The following GRM4 variants were observed in gnomAD, a reference collection of about 807,000 sequenced individuals.
GRM4 encodes the protein glutamate metabotropic receptor 4.
In GRM4, 28 loss-of-function variants were observed where a neutral mutation model predicts 81.7. The ratio of observed to expected loss-of-function variants is 0.34; its 90% confidence interval spans 0.25 to 0.47. The LOEUF is 0.47. Among genes scored for constraint, GRM4 ranks in the 20% least tolerant of loss-of-function variants. GRM4 has a pLI of 1.00. For synonymous variants in GRM4, 488 were observed against 528.8 expected (o/e 0.92, Z 1.06); for missense variants, 948 against 1,290.0 (o/e 0.73, Z 4.06).
chr6:34,028,506 A>G lies in GRM4; in HGVS notation c.2443-140T>C, dbSNP rs56959556. Reference sequence around the variant, plus strand: ...AGTCGTGGCTTGGAGCTGGGACTGCAGACCAGGGTTTCTGCATTCAAATCT... The same window carrying G: ...AGTCGTGGCTTGGAGCTGGGACTGCGGACCAGGGTTTCTGCATTCAAATCT... On this transcript the variant is annotated intron_variant, in intron 9 of 10. Coordinates refer to ENST00000538487, the MANE Select transcript of GRM4 (RefSeq NM_000841.4). 7,105 of 834,906 alleles carry G rather than the reference A, an allele frequency of 8.5e-3. 293 individuals carry two copies. In the African/African-American group the frequency reaches 0.099, roughly 12 times the overall value. 51.7% of individuals were successfully genotyped at this position (834,906 alleles called of 1,614,324 possible). A position where few individuals can be genotyped will look rare whatever the true frequency, so the allele number is the denominator to read the frequency against.
chr6:34,066,983 C>T (rs867524361), intron 3 of GRM4, among the ~76,000 whole-genome samples: 1 of 152,134 alleles, frequency 6.6e-6, no homozygotes, highest in Non-Finnish European at 1.5e-5. Flanking sequence ...TGCCTGCCTT[C>T]CTCCACCTTC....
At position 34,152,828 on chromosome 6, in the gene GRM4, G is replaced by C. The variant is rs1259005130; in HGVS notation, c.312+2251C>G. ...TGAGGCCCCCACAATGGAAGACAAG[G>C]GGGACAGGCAGGAGCAAGGTGGGAG... On this transcript the variant is annotated intron_variant, in intron 1 of 8. Coordinates refer to the GRM4 transcript ENST00000374177. This position sits in a 1 kb window ranked among gnomAD's most constrained non-coding sequence, Gnocchi z 4.1. Among the ~76,000 whole-genome samples, 2 of 152,186 alleles carry C rather than the reference G, an allele frequency of 1.3e-5. No homozygotes were observed. Among genetic ancestry groups the C allele is most frequent in the African/African-American group, 4.8e-5 (2 of 41,428 alleles).
At position 34,080,634 on chromosome 6, in the gene GRM4, G is replaced by A. The variant is rs1767535536; in HGVS notation, c.736+11249C>T. ...CTGGGGCAAGTCTGTGGGATTGGGA[G>A]GCCCGGGTCCCACCTTCTGAGTCCC... On this transcript the variant is annotated intron_variant, in intron 3 of 10. Coordinates refer to ENST00000538487, the MANE Select transcript of GRM4 (RefSeq NM_000841.4). The surrounding 1 kb of genome is among the most constrained non-coding windows in gnomAD (Gnocchi z 5.4). 6.6e-6 allele frequency among the ~76,000 whole-genome samples: 1 copy of A among 152,158 alleles called. No homozygotes were observed. The highest frequency in any genetic ancestry group is 6.5e-5 in the Admixed American group (1 of 15,278).
intron 1 of GRM4, among the ~76,000 whole-genome samples, chr6:34,135,604 C>T (rs1770425821): frequency 1.3e-5 from 2 of 152,236 alleles, no homozygotes; most frequent in Admixed American, 6.5e-5. Flanking sequence ...AAGGCCAGTG[C>T]TTTGAGGAAG....
At chr6:34,029,100 G>A (rs977940427) in intron 9 of GRM4, among the ~76,000 whole-genome samples, 2 of 152,154 alleles carry the variant, frequency 1.3e-5, no homozygotes, top group Non-Finnish European at 2.9e-5. Context: ...CACTGTCCCC[G>A]TCTGGGATTC....
chr6:34,150,960 T>C (rs1436617734), upstream of GRM4, among the ~76,000 whole-genome samples: 4 of 152,148 alleles, frequency 2.6e-5, no homozygotes, highest in African/African-American at 9.7e-5. Context: ...AAAGCACAGG[T>C]CCTGGTGGTA....
At chr6:34,033,900 G>C (rs1003751393) in intron 9 of GRM4, among the ~76,000 whole-genome samples, 1 of 152,090 alleles carries the variant, frequency 6.6e-6, no homozygotes, top group African/African-American at 2.4e-5. Flanking sequence ...ACCATGCCTG[G>C]CTACGTTTTT....
At chr6:34,155,604 C>A (rs1771136323) in exon 1 of GRM4, 1 of 463,628 alleles carries the variant, frequency 2.2e-6, no homozygotes, top group Non-Finnish European at 3.8e-6. Context: ...AAGCGATCCT[C>A]CAGCAAAGCG....
At chr6:34,138,880 G>C (rs1337157731) in intron 1 of GRM4, among the ~76,000 whole-genome samples, 1 of 152,198 alleles carries the variant, frequency 6.6e-6, no homozygotes, top group Non-Finnish European at 1.5e-5. Context: ...CTGTGTTTAA[G>C]GCCCCTTCCA....
At chr6:34,076,870 T>C (rs1767339611) in intron 3 of GRM4, among the ~76,000 whole-genome samples, 1 of 151,386 alleles carries the variant, frequency 6.6e-6, no homozygotes, top group South Asian at 2.1e-4. Context: ...CTTGCTTGGC[T>C]AGATGGGGGA....
intron 2 of GRM4, among the ~76,000 whole-genome samples, chr6:34,094,169 T>C (rs1449796081): frequency 6.6e-6 from 1 of 152,182 alleles, no homozygotes; most frequent in Non-Finnish European, 1.5e-5. Context: ...TGGAAGCTGT[T>C]TACTGTGTGA....
intron 6 of GRM4, among the ~76,000 whole-genome samples, chr6:34,051,245 CT>C (rs1419365570): frequency 1.4e-4 from 21 of 152,370 alleles, no homozygotes; most frequent in Admixed American, 6.5e-4. Context: ...GGGCAAGTCC[CT>C]AACCTCTCTG....
intron 2 of GRM4, among the ~76,000 whole-genome samples, chr6:34,099,421 G>A (rs974689): frequency 0.84 from 128,244 of 152,018 alleles, 54,177 homozygotes; most frequent in South Asian, 0.87. Flanking sequence ...CAGGGGCTTC[G>A]GGGTGGAGGG....
In GRM4 at chr6:34,068,623, G is replaced by A. The variant is rs1271237754; in HGVS notation, c.737-6595C>T. Among the ~76,000 whole-genome samples the A allele has an allele frequency of 1.3e-5, 2 of 151,870 alleles. No homozygotes were observed. Among genetic ancestry groups the A allele is most frequent in the African/African-American group, 4.8e-5 (2 of 41,294 alleles). The stretch of plus-strand genomic sequence containing the variant: ...CCTGCCTTCAAAGACCCATCCCCCC[G>A]CACCACCACTTGTGGGATGTGCCTA... On this transcript the variant is annotated intron_variant, in intron 3 of 10. Transcript: ENST00000538487. This position sits in a 1 kb window ranked among gnomAD's most constrained non-coding sequence, Gnocchi z 4.2.
intron 3 of GRM4, chr6:34,091,518 G>C (rs1430514700): frequency 1.7e-5 from 4 of 234,600 alleles, no homozygotes; most frequent in Admixed American, 5.3e-5. Flanking sequence ...CTGCCTGGCT[G>C]TCCGCCCATC....
intron 3 of GRM4, among the ~76,000 whole-genome samples, chr6:34,072,477 C>T (rs1243715249): frequency 1.8e-5 from 1 of 55,708 alleles, no homozygotes; most frequent in African/African-American, 7.1e-5. Context: ...TACAGATACA[C>T]ACCCACACAC....
At chr6:34,119,777 C>T (rs866444395) in intron 2 of GRM4, among the ~76,000 whole-genome samples, 8 of 152,308 alleles carry the variant, frequency 5.3e-5, no homozygotes, top group Middle Eastern at 3.4e-3. Context: ...TATGCACTGA[C>T]GAAGCATGTC....
rs2127462339 is a variant in GRM4 at position 34,061,999 on chromosome 6, T to C, written c.766A>G (p.Ile256Val). Residue 256 changes from isoleucine to valine, a missense_variant, in exon 4 of 11, where the codon ATA (isoleucine) becomes GTA (valine). Coordinates refer to ENST00000538487, the MANE Select transcript of GRM4 (RefSeq NM_000841.4). Reference protein sequence around the residue: ...GGVCIAQSVKIPREPKAGEFD... With the variant: ...GGVCIAQSVKVPREPKAGEFD... ...TCGCCTGCCTTGGGCTCCCGTGGTATCTTCACCGACTGGGCGATGCACACG... is the reference window on the plus strand; with the variant it reads ...TCGCCTGCCTTGGGCTCCCGTGGTACCTTCACCGACTGGGCGATGCACACG... 3 of 1,613,708 alleles carry C rather than the reference T, an allele frequency of 1.9e-6. No individual in the cohort carries two copies. In the South Asian group the frequency reaches 3.3e-5, roughly 18 times the overall value.
rs192385109 is a variant in GRM4 at position 34,057,832 on chromosome 6, C to T, written c.1027+1142G>A. Among the ~76,000 whole-genome samples, 440 of 152,304 alleles carry T rather than the reference C, an allele frequency of 2.9e-3. 1 individual carries two copies. Among genetic ancestry groups the T allele is most frequent in the African/African-American group, 9.9e-3 (412 of 41,550 alleles). On this transcript the variant is annotated intron_variant, in intron 5 of 10. Coordinates refer to ENST00000538487, the MANE Select transcript of GRM4 (RefSeq NM_000841.4). ...ACTAAATGCGGGGAAGAGTGCATCA[C>T]AGGGATGCTGGGGAGGCTAAAGGAG...
Sources: gnomAD v4.1 joint callset for allele counts (sites outside exome capture counted in the v4.1 genomes callset) on GRCh38, gnomAD v4.1.1 for gene constraint, Gnocchi (gnomAD v3.1) non-coding constraint, MANE v1.5 for transcripts, NCBI Gene and HGNC (gene_info 2026-07-23, HGNC 2026-07-21) for gene names.